The following PTPRD variants were observed in gnomAD, a reference collection of about 807,000 sequenced individuals.
PTPRD encodes the protein protein tyrosine phosphatase receptor type D.
Under a neutral mutation model 214.5 loss-of-function variants are expected in PTPRD, and 34 were observed. That is an observed-to-expected ratio of 0.16 (90% CI 0.12 to 0.21). The LOEUF (loss-of-function observed/expected upper bound fraction) is 0.21. PTPRD is among the 10% of genes least tolerant of loss of function. The pLI is 1.00. For missense variants in PTPRD, 2,545 were observed against 2,398.7 expected (o/e 1.06, Z -1.27); for synonymous variants, 1,128 against 845.7 (o/e 1.33, Z -5.79).
intron 10 of PTPRD, among the ~76,000 whole-genome samples, chr9:9,114,891 C>G (rs989770949): frequency 1.3e-5 from 2 of 152,016 alleles, no homozygotes; most frequent in Non-Finnish European, 2.9e-5. Flanking sequence ...TTTAGGGAAA[C>G]GTTCTCTTGA....
chr9:9,251,814 A>C (rs1371813845), intron 9 of PTPRD, among the ~76,000 whole-genome samples: 1 of 152,094 alleles, frequency 6.6e-6, no homozygotes, highest in Non-Finnish European at 1.5e-5. Flanking sequence ...CTCTAGAATT[A>C]TTGTTTATAA....
At chr9:9,241,346 C>T (rs2099970254) in intron 9 of PTPRD, among the ~76,000 whole-genome samples, 2 of 152,130 alleles carry the variant, frequency 1.3e-5, no homozygotes, top group African/African-American at 2.4e-5. Context: ...TGAGTATTCT[C>T]ATTTTTATGG....
chr9:9,801,580 G>C lies in PTPRD; in HGVS notation c.-367-34729C>G, dbSNP rs2099040377. Reference sequence around the variant, plus strand: ...TATTTCTGTGGCCACTGGAGAGTAAGTGAACAAAACTTTTGTTGGACTAAG... The same window carrying C: ...TATTTCTGTGGCCACTGGAGAGTAACTGAACAAAACTTTTGTTGGACTAAG... On this transcript the variant is annotated intron_variant, in intron 5 of 45. Coordinates refer to ENST00000381196, the MANE Select transcript of PTPRD (RefSeq NM_002839.4). 2.0e-5 allele frequency among the ~76,000 whole-genome samples: 3 copies of C among 152,064 alleles called. No individual in the cohort carries two copies. In the South Asian group the frequency reaches 6.2e-4, roughly 31 times the overall value.
intron 3 of PTPRD, among the ~76,000 whole-genome samples, chr9:10,273,104 G>A (rs1017491090): frequency 2.0e-5 from 3 of 152,164 alleles, no homozygotes; most frequent in Non-Finnish European, 4.4e-5. Flanking sequence ...GATATTCAGA[G>A]AAGAACTTAC....
intron 34 of PTPRD, among the ~76,000 whole-genome samples, chr9:8,439,935 A>ATTTTTTTTTTTTTTTTTTTTTTTT (rs1166530719): frequency 2.0e-4 from 15 of 73,322 alleles, no homozygotes; most frequent in Non-Finnish European, 2.5e-4. Context: ...ATGTGCTTTA[A>ATTTTTTTTTTTTTTTTTTTTTTTT]TTTTTTTTTT....
chr9:9,284,885 A>C (rs1304449765), intron 9 of PTPRD, among the ~76,000 whole-genome samples: 1 of 151,824 alleles, frequency 6.6e-6, no homozygotes, highest in Admixed American at 6.6e-5. Context: ...TATGATGAAC[A>C]GTATCTGGCA....
chr9:8,427,041 C>T (rs538405910), intron 35 of PTPRD, among the ~76,000 whole-genome samples: 28 of 152,268 alleles, frequency 1.8e-4, no homozygotes, highest in Non-Finnish European at 3.4e-4. Context: ...AAGCAGCCCA[C>T]TGGGAGGGGA....
intron 10 of PTPRD, among the ~76,000 whole-genome samples, chr9:9,133,900 G>C (rs538087973): frequency 1.3e-4 from 20 of 152,074 alleles, no homozygotes; most frequent in Non-Finnish European, 2.6e-4. Context: ...AAGGGAACTG[G>C]GTAAGACTCT....
chr9:10,497,572 T>G (rs1015043681), intron 2 of PTPRD, among the ~76,000 whole-genome samples: 4 of 152,030 alleles, frequency 2.6e-5, no homozygotes, highest in African/African-American at 9.7e-5. Flanking sequence ...ATAATTGAAG[T>G]TAGTTTTTAG....
At chr9:8,486,549 T>C (rs1289516929) in intron 27 of PTPRD, 200 bp from the exon 28 acceptor site, 4 of 698,980 alleles carry the variant, frequency 5.7e-6, no homozygotes, top group Admixed American at 2.0e-5. Context: ...GCTGAGATAC[T>C]AGAATTTGAT....
chr9:8,735,575 A>G (rs1349675871), intron 11 of PTPRD, among the ~76,000 whole-genome samples: 1 of 152,184 alleles, frequency 6.6e-6, no homozygotes, highest in Non-Finnish European at 1.5e-5. Flanking sequence ...AAGTCATGGG[A>G]AACCATCTTC....
intron 3 of PTPRD, among the ~76,000 whole-genome samples, chr9:10,230,428 G>GTATCTATGTATCTATC (rs761773061): frequency 0.093 from 11,912 of 127,902 alleles, 557 homozygotes; most frequent in Non-Finnish European, 0.099. Context: ...ATGTATCTAT[G>GTATCTATGTATCTATC]TATCTATGTA....
chr9:8,727,872 G>T (rs1393577086), intron 12 of PTPRD, among the ~76,000 whole-genome samples: 3 of 151,968 alleles, frequency 2.0e-5, no homozygotes, highest in Non-Finnish European at 2.9e-5. Flanking sequence ...ATACCATAAA[G>T]TTCTCCCATT....
chr9:8,907,755 T>A (rs983070739), intron 11 of PTPRD, among the ~76,000 whole-genome samples: 2 of 151,694 alleles, frequency 1.3e-5, no homozygotes, highest in Non-Finnish European at 2.9e-5. Flanking sequence ...AAATATTCAA[T>A]CTTAAGAGCA....
At chr9:10,415,625 T>G (rs1420940568) in intron 2 of PTPRD, among the ~76,000 whole-genome samples, 1 of 151,880 alleles carries the variant, frequency 6.6e-6, no homozygotes, top group Non-Finnish European at 1.5e-5. Flanking sequence ...ATTGGTTATC[T>G]ATGAAAGTGG....
chr9:9,724,961 C>T (rs1397944055), intron 7 of PTPRD, among the ~76,000 whole-genome samples: 2 of 152,086 alleles, frequency 1.3e-5, no homozygotes, highest in African/African-American at 4.8e-5. Flanking sequence ...TTGGGAGACT[C>T]GCAGAGTTTA....
intron 3 of PTPRD, among the ~76,000 whole-genome samples, chr9:10,094,868 T>C (rs1486844028): frequency 6.6e-6 from 1 of 151,458 alleles, no homozygotes; most frequent in Non-Finnish European, 1.5e-5. Flanking sequence ...GCCAGGTTTT[T>C]ATGCATTAGT....
intron 10 of PTPRD, among the ~76,000 whole-genome samples, chr9:9,183,101 T>C (rs1030709341): frequency 1.3e-5 from 2 of 152,098 alleles, no homozygotes; most frequent in African/African-American, 4.8e-5. Context: ...ATTTCTTAGT[T>C]ATTCTATTGT....
intron 5 of PTPRD, among the ~76,000 whole-genome samples, chr9:9,848,351 T>C (rs1397837088): frequency 1.3e-5 from 2 of 152,144 alleles, no homozygotes; most frequent in East Asian, 3.9e-4. Flanking sequence ...ATATGCTTCC[T>C]GAGGGCCAGA....
Sources: allele counts gnomAD v4.1 joint callset (sites outside exome capture counted in the v4.1 genomes callset), GRCh38; gene constraint gnomAD v4.1.1; transcripts MANE v1.5; gene names NCBI Gene and HGNC (gene_info 2026-07-23, HGNC 2026-07-21).